The following COL23A1 variants were observed in gnomAD, a reference collection of about 807,000 sequenced individuals.
The protein encoded by COL23A1 is collagen type XXIII alpha 1 chain.
COL23A1 carries 97 observed loss-of-function variants against 99.3 expected under a neutral mutation model. The observed-to-expected ratio is 0.98, with a 90% confidence interval of 0.83 to 1.16. COL23A1 has a LOEUF of 1.16. COL23A1 is among the 50% of genes most tolerant of loss of function. The pLI is 0.00. For missense variants in COL23A1, 762 were observed against 757.4 expected, an observed-to-expected ratio of 1.01 and a Z score of -0.07; for synonymous variants, 320 against 308.2, an observed-to-expected ratio of 1.04 and a Z score of -0.40.
At chr5:178,336,558 T>C (rs912552343) in intron 2 of COL23A1, among the ~76,000 whole-genome samples, 8 of 152,214 alleles carry the variant, frequency 5.3e-5, no homozygotes, top group Non-Finnish European at 7.3e-5. Context: ...TAGCACAGAC[T>C]GGTGGTTGCC....
intron 2 of COL23A1, among the ~76,000 whole-genome samples, chr5:178,424,105 G>A (rs2127802542): frequency 6.6e-6 from 1 of 152,282 alleles, no homozygotes; most frequent in South Asian, 2.1e-4. Context: ...CTTAGGGGAA[G>A]TAACGCGCTT....
intron 2 of COL23A1, among the ~76,000 whole-genome samples, chr5:178,341,450 G>A (rs72820952): frequency 0.11 from 16,007 of 152,278 alleles, 916 homozygotes; most frequent in Middle Eastern, 0.19. Context: ...CAGAGCACAG[G>A]AGGAAGGGCC....
At chr5:178,538,694 A>C (rs1435687526) in intron 2 of COL23A1, among the ~76,000 whole-genome samples, 1 of 152,240 alleles carries the variant, frequency 6.6e-6, no homozygotes, top group Non-Finnish European at 1.5e-5. Context: ...AAAAATAATG[A>C]AGCACGTGAG....
intron 13 of COL23A1, among the ~76,000 whole-genome samples, chr5:178,257,245 A>G (rs1765356435): frequency 6.6e-6 from 1 of 152,064 alleles, no homozygotes; most frequent in Non-Finnish European, 1.5e-5. Context: ...AGGCATGAGG[A>G]TGACACCCAG....
At chr5:178,581,877 T>C (rs1304122556) in intron 1 of COL23A1, among the ~76,000 whole-genome samples, 1 of 151,912 alleles carries the variant, frequency 6.6e-6, no homozygotes, top group African/African-American at 2.4e-5. Context: ...AAGGTAAAAA[T>C]GGTATGCATT....
chr5:178,246,650 C>T (rs1215818675), intron 22 of COL23A1, among the ~76,000 whole-genome samples, 197 bp from the exon 23 acceptor site: 2 of 151,352 alleles, frequency 1.3e-5, no homozygotes, highest in African/African-American at 4.9e-5. Flanking sequence ...TTTTCCAGAA[C>T]AGGCTCCCTC....
At chr5:178,488,180 G>A (rs1484905129) in intron 2 of COL23A1, among the ~76,000 whole-genome samples, 1 of 152,174 alleles carries the variant, frequency 6.6e-6, no homozygotes, top group African/African-American at 2.4e-5. Context: ...TATTTGGCAA[G>A]GTCTGGGTGA....
chr5:178,490,174 C>A (rs1021076702), intron 2 of COL23A1, among the ~76,000 whole-genome samples: 8 of 150,624 alleles, frequency 5.3e-5, no homozygotes, highest in Non-Finnish European at 1.0e-4. Flanking sequence ...TGCAGTAAGC[C>A]GAGATCACAC....
chr5:178,282,031 G>A (rs984358897), intron 5 of COL23A1, among the ~76,000 whole-genome samples: 31 of 132,062 alleles, frequency 2.3e-4, no homozygotes, highest in Non-Finnish European at 3.9e-4. Context: ...CAGCCTGGGC[G>A]ACAGAGCAAG....
intron 2 of COL23A1, among the ~76,000 whole-genome samples, chr5:178,483,244 A>G (rs1581476791): frequency 6.6e-6 from 1 of 152,292 alleles, no homozygotes; most frequent in East Asian, 1.9e-4. Flanking sequence ...CAGTTCTTCA[A>G]ATGAGTCCCT....
chr5:178,500,566 CTG>C (rs1197144481), intron 2 of COL23A1, among the ~76,000 whole-genome samples: 2 of 150,572 alleles, frequency 1.3e-5, no homozygotes, highest in African/African-American at 4.9e-5. Context: ...GATTGCACCA[CTG>C]TACTCTAGGC....
chr5:178,536,926 C>T (rs1472668125), intron 2 of COL23A1, among the ~76,000 whole-genome samples: 1 of 152,160 alleles, frequency 6.6e-6, no homozygotes, highest in Non-Finnish European at 1.5e-5. Flanking sequence ...ATGGTTCTAC[C>T]ACGGGGCCTG....
intron 2 of COL23A1, among the ~76,000 whole-genome samples, chr5:178,513,915 G>C (rs1057315359): frequency 1.3e-5 from 2 of 151,882 alleles, no homozygotes; most frequent in African/African-American, 4.8e-5. Flanking sequence ...TTAAAATTTT[G>C]CCATCTTACC....
At chr5:178,432,608 C>T (rs939497761) in intron 2 of COL23A1, among the ~76,000 whole-genome samples, 2 of 152,184 alleles carry the variant, frequency 1.3e-5, no homozygotes, top group African/African-American at 2.4e-5. Context: ...CAGAGCTGGG[C>T]TTGCAGACTG....
In COL23A1 at chr5:178,246,431, T is replaced by C; in HGVS notation, c.1319A>G (p.Glu440Gly). ...GPKGLDGAKG[E>G]KGASGERGPS... is the part of the protein sequence containing the mutation. Reference sequence around the variant, plus strand: ...GCCTCTCTCACCCGACGCACCCTTCTCTCCCTTTGCTCCATCCAAGCCCTG... The same window carrying C: ...GCCTCTCTCACCCGACGCACCCTTCCCTCCCTTTGCTCCATCCAAGCCCTG... The change falls in exon 23 of 29, where the codon GAG becomes GGG. Residue 440 changes from glutamate (E) to glycine (G), a missense_variant. Transcript: ENST00000390654. 1.3e-6 allele frequency: 2 copies of C among 1,575,720 alleles called. No homozygotes were observed. Among genetic ancestry groups the C allele is most frequent in the Non-Finnish European group, 8.6e-7 (1 of 1,159,768 alleles).
At chr5:178,386,728 C>T (rs555510263) in intron 2 of COL23A1, among the ~76,000 whole-genome samples, 1 of 152,270 alleles carries the variant, frequency 6.6e-6, no homozygotes, top group East Asian at 1.9e-4. Context: ...CCTGCCCCGT[C>T]AGGAGTCTGA....
At chr5:178,460,082 G>A (rs766498998) in intron 2 of COL23A1, among the ~76,000 whole-genome samples, 4 of 151,444 alleles carry the variant, frequency 2.6e-5, no homozygotes, top group Admixed American at 1.3e-4. Context: ...TAAAAGCATC[G>A]AACCTGGGAT....
chr5:178,501,482 G>C (rs1758530303), intron 2 of COL23A1, among the ~76,000 whole-genome samples: 1 of 151,990 alleles, frequency 6.6e-6, no homozygotes, highest in African/African-American at 2.4e-5. Context: ...TCGGGAGGCT[G>C]AGGCAGAAGA....
At position 178,338,732 on chromosome 5, in the gene COL23A1, G is replaced by T. The variant is rs116764026; in HGVS notation, c.362-31813C>A. ...TAAACTCCAGATGATTTGGTTAATG[G>T]GGGGGTCCTGGGGAACAGAGACCAG... is the stretch of plus-strand genomic sequence containing the variant. On this transcript the variant is annotated intron_variant, in intron 2 of 28. Coordinates refer to ENST00000390654, the MANE Select transcript of COL23A1 (RefSeq NM_173465.4). Among the ~76,000 whole-genome samples the T allele has an allele frequency of 9.1e-3, 1,390 of 152,284 alleles. 18 individuals are homozygous for T. Among genetic ancestry groups the T allele is most frequent in the African/African-American group, 0.029 (1,188 of 41,546 alleles).
Sources: gnomAD v4.1 joint callset for allele counts (sites outside exome capture counted in the v4.1 genomes callset) on GRCh38, gnomAD v4.1.1 for gene constraint, MANE v1.5 for transcripts, NCBI Gene and HGNC (gene_info 2026-07-23, HGNC 2026-07-21) for gene names.